The following LMTK2 variants were observed in gnomAD, a reference collection of about 807,000 sequenced individuals.
The protein encoded by LMTK2 is lemur tail kinase 2, also known as serine/threonine-protein kinase LMTK2.
In LMTK2, 37 loss-of-function variants were observed where a neutral mutation model predicts 127.5. The observed-to-expected ratio is 0.29, with a 90% CI of 0.22 to 0.38. The LOEUF (loss-of-function observed/expected upper bound fraction) is 0.38. LMTK2 is among the 10% of genes least tolerant of loss of function. The pLI is 1.00. For synonymous variants in LMTK2, 819 were observed against 810.1 expected (o/e 1.01, Z -0.19); for missense variants, 1,694 against 1,920.3 (o/e 0.88, Z 2.20).
At chr7:98,173,796 C>T (rs1797231979) in intron 7 of LMTK2, among the ~76,000 whole-genome samples, 1 of 152,184 alleles carries the variant, frequency 6.6e-6, no homozygotes, top group Admixed American at 6.5e-5. Flanking sequence ...GTGGCTCATG[C>T]CTGTAATCCC....
At chr7:98,155,447 T>C (rs1796913525) in intron 5 of LMTK2, among the ~76,000 whole-genome samples, 1 of 152,098 alleles carries the variant, frequency 6.6e-6, no homozygotes, top group Non-Finnish European at 1.5e-5. Flanking sequence ...ATTTAAGAAA[T>C]TGAGAAAATG....
At chr7:98,143,806 C>G (rs1796731369) in intron 3 of LMTK2, among the ~76,000 whole-genome samples, 2 of 152,080 alleles carry the variant, frequency 1.3e-5, no homozygotes, top group African/African-American at 4.8e-5. Context: ...ACTAATTGGG[C>G]AAGTGTGCAA....
chr7:98,158,456 G>T (rs1161881713), intron 5 of LMTK2, among the ~76,000 whole-genome samples: 1 of 152,058 alleles, frequency 6.6e-6, no homozygotes, highest in African/African-American at 2.4e-5. Context: ...TCTGTCTTTT[G>T]TACAGATCTG....
chr7:98,125,531 A>G (rs968527), intron 1 of LMTK2, among the ~76,000 whole-genome samples: 9,185 of 152,114 alleles, frequency 0.06, 646 homozygotes, highest in East Asian at 0.34. Context: ...TGCCTGGTGA[A>G]CTTCACAGTA....
chr7:98,203,953 TTGAG>T lies in LMTK2; in HGVS notation c.4253_4256del (p.Glu1418GlyfsTer68). ...TATTTTTTATTTCTAGGTGGTGGCT[TTGAG>T]TGGGATGATGACTTCTCCCCAGATC... On this transcript the variant is annotated frameshift_variant, in exon 13 of 14. Transcript: ENST00000297293. LOFTEE classifies it high-confidence loss of function. 1 of 1,613,788 alleles carries T rather than the reference TTGAG, an allele frequency of 6.2e-7. No homozygotes were observed. The highest frequency in any genetic ancestry group is 8.5e-7 in the Non-Finnish European group (1 of 1,179,948).
intron 1 of LMTK2, among the ~76,000 whole-genome samples, chr7:98,127,631 C>T (rs1425946037): frequency 6.6e-6 from 1 of 152,188 alleles, no homozygotes; most frequent in Admixed American, 6.5e-5. Flanking sequence ...GGATGGACCC[C>T]TGCCAGTGGG....
intron 1 of LMTK2, among the ~76,000 whole-genome samples, chr7:98,123,094 C>T (rs539205594): frequency 1.1e-4 from 17 of 152,230 alleles, no homozygotes; most frequent in Non-Finnish European, 2.2e-4. Flanking sequence ...TGTCCTGTCC[C>T]GTTCCTCCCC....
chr7:98,117,593 TG>T (rs1796304773), intron 1 of LMTK2, among the ~76,000 whole-genome samples: 1 of 152,150 alleles, frequency 6.6e-6, no homozygotes, highest in African/African-American at 2.4e-5. Context: ...AGGTTCATCT[TG>T]TATATTCCCT....
chr7:98,203,755 A>T (rs1321996477), intron 12 of LMTK2, 49 bp downstream of exon 12: 4 of 1,607,982 alleles, frequency 2.5e-6, no homozygotes, highest in Non-Finnish European at 3.4e-6. Flanking sequence ...AAATTGAGTA[A>T]TGTAAAGGTT....
At chr7:98,175,381 G>A (rs1426432238) in intron 7 of LMTK2, among the ~76,000 whole-genome samples, 2 of 152,210 alleles carry the variant, frequency 1.3e-5, no homozygotes, top group African/African-American at 2.4e-5. Flanking sequence ...CAGAAAAGAA[G>A]ACGCAGGAGA....
At chr7:98,135,541 C>T (rs1255319023) in intron 1 of LMTK2, among the ~76,000 whole-genome samples, 3 of 151,988 alleles carry the variant, frequency 2.0e-5, no homozygotes, top group Non-Finnish European at 4.4e-5. Flanking sequence ...AGGTTGGTCT[C>T]AAACTCCTGG....
intron 1 of LMTK2, among the ~76,000 whole-genome samples, chr7:98,108,360 G>C (rs1362067345): frequency 6.6e-6 from 1 of 152,100 alleles, no homozygotes; most frequent in African/African-American, 2.4e-5. Flanking sequence ...AATGTTAATT[G>C]GGTACAGAAT....
intron 7 of LMTK2, among the ~76,000 whole-genome samples, chr7:98,179,497 C>T (rs533260970): frequency 6.6e-6 from 1 of 152,168 alleles, no homozygotes; most frequent in African/African-American, 2.4e-5. Flanking sequence ...TCTCTGCAGT[C>T]GCAGCTGTTG....
chr7:98,200,174 G>A (rs1211749441), intron 11 of LMTK2, among the ~76,000 whole-genome samples: 1 of 151,996 alleles, frequency 6.6e-6, no homozygotes, highest in African/African-American at 2.4e-5. Context: ...AATCTACTTA[G>A]AATCTGTATT....
chr7:98,108,376 T>C lies in LMTK2; in HGVS notation c.103+1096T>C, dbSNP rs148732982. On this transcript the variant is annotated intron_variant, in intron 1 of 13. Transcript: ENST00000297293. ...ATGTTAATTGGGTACAGAATGTGGA[T>C]GTACTGTCTCCAGTAAAGACATATT... Among the ~76,000 whole-genome samples, 342 of 152,318 alleles carry C rather than the reference T, an allele frequency of 2.2e-3. 2 individuals carry two copies. Among genetic ancestry groups the C allele is most frequent in the African/African-American group, 8.0e-3 (333 of 41,568 alleles).
rs1797830456 is a variant in LMTK2, at chr7:98,207,793, G to C, written c.*2301G>C. 6.6e-6 allele frequency: 1 copy of C among 152,146 alleles called. No individual in the cohort carries two copies. Among genetic ancestry groups the C allele is most frequent in the Admixed American group, 6.5e-5 (1 of 15,268 alleles). The allele number at this position is 152,146 out of a possible 1,614,324, so 9.4% of individuals were successfully genotyped here. ...TTTTGGGGCTGTCAGTTTTCCACTA[G>C]GATTAAGATTTTGGCCGGGCGCGGT... On this transcript the variant is annotated 3_prime_UTR_variant, in exon 14 of 14. Transcript: ENST00000297293.
In LMTK2 at chr7:98,177,870, T is replaced by C. The variant is rs115518851; in HGVS notation, c.791+6196T>C. 6.6e-3 allele frequency among the ~76,000 whole-genome samples: 1,005 copies of C among 152,358 alleles called. 13 individuals are homozygous for C. The highest frequency in any genetic ancestry group is 0.023 in the African/African-American group (953 of 41,580). On this transcript the variant is annotated intron_variant, in intron 7 of 13. Transcript: ENST00000297293. The stretch of plus-strand genomic sequence containing the variant: ...ACTCTAGTATAAAGTTGCCTCTGTG[T>C]GCTTTATCGGAATCCTCTTGTTTTA...
At chr7:98,145,824 C>T (rs1036177458) in intron 3 of LMTK2, among the ~76,000 whole-genome samples, 1 of 152,150 alleles carries the variant, frequency 6.6e-6, no homozygotes, top group Non-Finnish European at 1.5e-5. Flanking sequence ...TTGATGAAGT[C>T]CAGTTTATCT....
intron 1 of LMTK2, among the ~76,000 whole-genome samples, chr7:98,108,508 G>A (rs1330668507): frequency 6.6e-6 from 1 of 152,158 alleles, no homozygotes; most frequent in Non-Finnish European, 1.5e-5. Flanking sequence ...TCATTGTACC[G>A]TATAATGTAG....
Sources: allele counts gnomAD v4.1 joint callset (sites outside exome capture counted in the v4.1 genomes callset), GRCh38; gene constraint gnomAD v4.1.1; transcripts MANE v1.5; gene names NCBI Gene and HGNC (gene_info 2026-07-23, HGNC 2026-07-21).